Variants in APBA2 observed in about 807,000 individuals in gnomAD.
APBA2 encodes amyloid-beta A4 precursor protein-binding family A member 2.
APBA2 carries 30 observed loss-of-function variants against 75.0 expected under a neutral mutation model. The observed-to-expected ratio is 0.40, with a 90% CI of 0.30 to 0.54. The LOEUF is 0.54. Among genes scored for constraint, APBA2 ranks in the 20% least tolerant of loss-of-function variants. The pLI is 0.49. For synonymous variants in APBA2, 444 were observed against 409.6 expected (o/e 1.08, Z -1.01); for missense variants, 801 against 1,016.1 (o/e 0.79, Z 2.88).
rs1301197645 is a variant in APBA2, at chr15:28,918,234, A to G, written c.-204-3406A>G. On this transcript the variant is annotated intron_variant, in intron 1 of 14. Coordinates refer to ENST00000683413, the MANE Select transcript of APBA2 (RefSeq NM_001353788.2). The surrounding 1 kb of genome is among the most constrained non-coding windows in gnomAD (Gnocchi z 4.2). ...GAGGTGCAGAAGCGTTCCTGGCGCC[A>G]CGGAGCCGGTCAGTGACAGAGCCGG... Among the ~76,000 whole-genome samples the G allele has an allele frequency of 1.3e-5, 2 of 152,194 alleles. No homozygotes were observed. The highest frequency in any genetic ancestry group is 2.9e-5 in the Non-Finnish European group (2 of 68,032).
chr15:29,020,104 G>A (rs2039873999), intron 3 of APBA2, among the ~76,000 whole-genome samples: 1 of 152,138 alleles, frequency 6.6e-6, no homozygotes, highest in Admixed American at 6.5e-5. Flanking sequence ...TTTTTGCTCA[G>A]TTTCCCATGG....
intron 13 of APBA2, among the ~76,000 whole-genome samples, chr15:29,109,595 G>A (rs1041022610): frequency 1.3e-5 from 2 of 152,158 alleles, no homozygotes; most frequent in African/African-American, 4.8e-5. Flanking sequence ...CAGGGCCAGG[G>A]CAGAAGTGGC....
At position 29,046,790 on chromosome 15, in the gene APBA2, A is replaced by G. The variant is rs1566942915; in HGVS notation, c.-40-7055A>G. Among the ~76,000 whole-genome samples the G allele has an allele frequency of 6.6e-6, 1 of 152,184 alleles. No homozygotes were observed. The highest frequency in any genetic ancestry group is 1.5e-5 in the Non-Finnish European group (1 of 68,032). On this transcript the variant is annotated intron_variant, in intron 3 of 14. Transcript: ENST00000683413. This position sits in a 1 kb window ranked among gnomAD's most constrained non-coding sequence, Gnocchi z 5.0. ...TCTCCCTGCTTTCCTCAGTCCCTCC[A>G]AGATGCACCCATATCCCACTGCAGG...
intron 2 of APBA2, among the ~76,000 whole-genome samples, chr15:28,965,665 A>T (rs1051766431): frequency 3.9e-5 from 6 of 152,152 alleles, no homozygotes; most frequent in African/African-American, 7.2e-5. Flanking sequence ...TTTTTATTTT[A>T]TATAGATCCT....
chr15:29,026,254 C>A (rs1257289880), intron 3 of APBA2, among the ~76,000 whole-genome samples: 1 of 152,172 alleles, frequency 6.6e-6, no homozygotes, highest in Non-Finnish European at 1.5e-5. Context: ...ACCTGATTCC[C>A]CAGCTCAGAG....
chr15:28,964,328 A>G (rs2036625236), intron 2 of APBA2, among the ~76,000 whole-genome samples: 1 of 151,986 alleles, frequency 6.6e-6, no homozygotes, highest in Non-Finnish European at 1.5e-5. Context: ...TGGTGTTATC[A>G]CTGTTTTTTA....
chr15:28,945,105 C>G (rs140759540), intron 2 of APBA2, among the ~76,000 whole-genome samples: 2 of 152,204 alleles, frequency 1.3e-5, no homozygotes, highest in African/African-American at 4.8e-5. Context: ...GCAGAGCATG[C>G]GGAGATCCAC....
At chr15:28,982,763 G>A (rs1037137433) in intron 2 of APBA2, among the ~76,000 whole-genome samples, 2 of 152,176 alleles carry the variant, frequency 1.3e-5, no homozygotes, top group African/African-American at 4.8e-5. Flanking sequence ...TCAAGGACAC[G>A]TTGATGATGT....
At chr15:28,975,559 G>A (rs2037292037) in intron 2 of APBA2, among the ~76,000 whole-genome samples, 1 of 152,048 alleles carries the variant, frequency 6.6e-6, no homozygotes, top group African/African-American at 2.4e-5. Flanking sequence ...GAAAACATGG[G>A]TAAATTTTAA....
intron 3 of APBA2, among the ~76,000 whole-genome samples, chr15:29,050,748 A>G (rs967734143): frequency 6.6e-6 from 1 of 152,148 alleles, no homozygotes; most frequent in East Asian, 1.9e-4. Context: ...ATATGTGCAT[A>G]TTACAGATTT....
intron 2 of APBA2, among the ~76,000 whole-genome samples, chr15:28,951,160 G>A (rs2035849539): frequency 6.6e-6 from 1 of 152,134 alleles, no homozygotes; most frequent in Admixed American, 6.5e-5. Flanking sequence ...GATTTATATA[G>A]CATTTACATT....
At chr15:29,086,102 C>T (rs2043281010) in intron 6 of APBA2, among the ~76,000 whole-genome samples, 1 of 152,200 alleles carries the variant, frequency 6.6e-6, no homozygotes, top group African/African-American at 2.4e-5. Flanking sequence ...CTTTCTTGTT[C>T]TCTCTTACTT....
intron 3 of APBA2, among the ~76,000 whole-genome samples, chr15:29,044,981 C>T (rs1206449051): frequency 1.3e-5 from 2 of 152,106 alleles, no homozygotes; most frequent in Non-Finnish European, 2.9e-5. Context: ...TCTGTGTCCA[C>T]ACATGGTGAA....
chr15:29,099,260 A>C (rs1325307295), intron 9 of APBA2, among the ~76,000 whole-genome samples: 1 of 152,138 alleles, frequency 6.6e-6, no homozygotes, highest in African/African-American at 2.4e-5. Flanking sequence ...GGGTGTCCCC[A>C]AGACCACCAC....
chr15:28,973,782 CAG>C (rs1343709988), intron 2 of APBA2, among the ~76,000 whole-genome samples: 2 of 152,100 alleles, frequency 1.3e-5, no homozygotes, highest in Non-Finnish European at 2.9e-5. Context: ...AAAAGAGGAA[CAG>C]AGAATCAGCT....
intron 4 of APBA2, among the ~76,000 whole-genome samples, chr15:29,072,544 G>A (rs556819820): frequency 6.1e-4 from 93 of 152,184 alleles, no homozygotes; most frequent in Non-Finnish European, 1.0e-3. Flanking sequence ...TTGCAGGAGC[G>A]GTACCTGGGC....
chr15:28,945,765 C>T (rs1052847824), intron 2 of APBA2, among the ~76,000 whole-genome samples: 12 of 152,136 alleles, frequency 7.9e-5, no homozygotes, highest in African/African-American at 2.7e-4. Flanking sequence ...CAGCCTACCT[C>T]GGCCTCCCAA....
intron 8 of APBA2, among the ~76,000 whole-genome samples, chr15:29,095,666 C>A (rs919263228): frequency 1.4e-4 from 22 of 152,184 alleles, no homozygotes; most frequent in Non-Finnish European, 1.5e-5. Flanking sequence ...CATTTTCTGG[C>A]GCTTTGGCCA....
At chr15:29,021,809 A>G (rs947132299) in intron 3 of APBA2, among the ~76,000 whole-genome samples, 1 of 150,924 alleles carries the variant, frequency 6.6e-6, no homozygotes, top group Non-Finnish European at 1.5e-5. Flanking sequence ...CACTTCCCCT[A>G]CCCCCAGCTC....
Sources: gnomAD v4.1 joint callset for allele counts (sites outside exome capture counted in the v4.1 genomes callset) on GRCh38, gnomAD v4.1.1 for gene constraint, Gnocchi (gnomAD v3.1) non-coding constraint, MANE v1.5 for transcripts, NCBI Gene and HGNC (gene_info 2026-07-23, HGNC 2026-07-21) for gene names.